TXNDC16: variants seen among roughly 807,000 people sequenced by gnomAD.
TXNDC16 encodes the protein thioredoxin domain containing 16.
TXNDC16 carries 74 observed loss-of-function variants against 85.6 expected under a neutral mutation model. The observed-to-expected ratio is 0.86, with a 90% confidence interval of 0.72 to 1.05. The LOEUF is 1.05. Ranked by LOEUF, TXNDC16 falls within the 50% of genes least tolerant of loss-of-function variation. TXNDC16 has a pLI of 0.00. For missense variants in TXNDC16, 959 were observed against 947.0 expected, an observed-to-expected ratio of 1.01 and a Z score of -0.17; for synonymous variants, 335 against 326.5, an observed-to-expected ratio of 1.03 and a Z score of -0.28.
At chr14:52,543,291 T>A in intron 3 of TXNDC16, 107 bp downstream of exon 3, 16 of 1,212,638 alleles carry the variant, frequency 1.3e-5, no homozygotes, top group Non-Finnish European at 1.8e-5. Context: ...TAGTAACAGC[T>A]ATATAGCACA....
intron 9 of TXNDC16, among the ~76,000 whole-genome samples, chr14:52,502,947 G>A (rs745426043): frequency 2.6e-5 from 4 of 152,168 alleles, no homozygotes; most frequent in Admixed American, 6.5e-5. Flanking sequence ...TGAGGGCTCC[G>A]AGGGTCCTAT....
At chr14:52,516,113 T>A (rs1048678216) in intron 7 of TXNDC16, among the ~76,000 whole-genome samples, 2 of 152,166 alleles carry the variant, frequency 1.3e-5, no homozygotes, top group African/African-American at 4.8e-5. Context: ...GCCTTCTGAT[T>A]TGCTCCAATA....
intron 9 of TXNDC16, among the ~76,000 whole-genome samples, chr14:52,505,173 G>A (rs568675646): frequency 6.6e-6 from 1 of 152,082 alleles, no homozygotes; most frequent in Admixed American, 6.6e-5. Context: ...AAGACAGAAA[G>A]TTAACAAGGA....
At chr14:52,445,872 T>A (rs1033427056) in intron 18 of TXNDC16, among the ~76,000 whole-genome samples, 1 of 152,222 alleles carries the variant, frequency 6.6e-6, no homozygotes. Context: ...ATGATAAAAC[T>A]GCCTATCGAT....
At chr14:52,515,097 C>T in intron 7 of TXNDC16, 127 bp from the exon 8 acceptor site, 1 of 559,154 alleles carries the variant, frequency 1.8e-6, no homozygotes, top group Non-Finnish European at 2.9e-6. Flanking sequence ...AAATCCTTCA[C>T]AGGGATACTA....
chr14:52,466,592 C>G (rs1413730034), intron 16 of TXNDC16, among the ~76,000 whole-genome samples: 1 of 151,874 alleles, frequency 6.6e-6, no homozygotes, highest in African/African-American at 2.4e-5. Flanking sequence ...AATGGCCAGG[C>G]GCGGTGGCTC....
chr14:52,462,097 A>C (rs1303833069), intron 16 of TXNDC16, among the ~76,000 whole-genome samples: 1 of 152,234 alleles, frequency 6.6e-6, no homozygotes, highest in Non-Finnish European at 1.5e-5. Flanking sequence ...CATACATAAC[A>C]CATATAGACA....
chr14:52,452,255 C>A (rs1474891876), intron 18 of TXNDC16, among the ~76,000 whole-genome samples: 1 of 151,948 alleles, frequency 6.6e-6, no homozygotes, highest in African/African-American at 2.4e-5. Flanking sequence ...TTCTTAATAC[C>A]CAAAATAACT....
rs181411932 is a variant in TXNDC16 at position 52,529,443 on chromosome 14, G to A, written c.392+7276C>T. Among the ~76,000 whole-genome samples, 164 of 148,724 alleles carry A rather than the reference G, an allele frequency of 1.1e-3. 3 individuals are homozygous for A. The highest frequency in any genetic ancestry group is 4.0e-3 in the African/African-American group (160 of 40,154). On this transcript the variant is annotated intron_variant, in intron 6 of 20. Coordinates refer to ENST00000281741, the MANE Select transcript of TXNDC16 (RefSeq NM_020784.3). Reference sequence around the variant, plus strand: ...CATATGTAACAAACCTGCACGTTGTGCACATGTACCCTAAAACTTTAACTA... The same window carrying A: ...CATATGTAACAAACCTGCACGTTGTACACATGTACCCTAAAACTTTAACTA...
intron 9 of TXNDC16, among the ~76,000 whole-genome samples, chr14:52,510,604 T>C (rs1309164661): frequency 2.0e-5 from 3 of 152,216 alleles, no homozygotes; most frequent in African/African-American, 2.4e-5. Flanking sequence ...TTTTCCTTCA[T>C]ACTTGGCTGC....
At chr14:52,515,014 T>G in intron 7 of TXNDC16, 44 bp from the exon 8 acceptor site, 1 of 1,427,318 alleles carries the variant, frequency 7.0e-7, no homozygotes, top group Non-Finnish European at 9.8e-7. Context: ...AAAAAATAGT[T>G]TGTGTGACTC....
chr14:52,440,721 C>T lies in TXNDC16; in HGVS notation c.1846G>A (p.Glu616Lys). 2 of 1,603,526 alleles carry T rather than the reference C, an allele frequency of 1.2e-6. No homozygotes were observed. Among genetic ancestry groups the T allele is most frequent in the African/African-American group, 1.3e-5 (1 of 74,314 alleles). Residue 616 changes from glutamate to lysine, a missense_variant, in exon 19 of 21, where the codon GAA becomes AAA. Physicochemically the swap from Glu to Lys is moderately conservative, Grantham distance 56. Transcript: ENST00000281741. The stretch of plus-strand genomic sequence containing the variant: ...CTGGGAAGATTTTCCACAGTGATTT[C>T]CGGCTGTCAAAGAAAAGGAATAACA... Reference protein sequence around the residue: ...ITDALLEMFPEITVENLPSYF... With the variant: ...ITDALLEMFPKITVENLPSYF...
At chr14:52,487,911 G>A (rs1278210138) in intron 12 of TXNDC16, among the ~76,000 whole-genome samples, 1 of 152,154 alleles carries the variant, frequency 6.6e-6, no homozygotes, top group Non-Finnish European at 1.5e-5. Flanking sequence ...CTGTTTAAAC[G>A]AAGTGTTAAA....
At chr14:52,479,198 G>A (rs1401875600) in intron 14 of TXNDC16, among the ~76,000 whole-genome samples, 7 of 152,216 alleles carry the variant, frequency 4.6e-5, no homozygotes, top group East Asian at 3.9e-4. Flanking sequence ...CAAACCCACA[G>A]CCAACATAAT....
chr14:52,496,227 T>C (rs1012558755), intron 9 of TXNDC16, among the ~76,000 whole-genome samples: 6 of 151,530 alleles, frequency 4.0e-5, no homozygotes, highest in Non-Finnish European at 5.9e-5. Context: ...GGGACAGGCA[T>C]AGTATAACCA....
intron 11 of TXNDC16, among the ~76,000 whole-genome samples, chr14:52,488,831 GAAAA>G (rs199871075): frequency 4.6e-4 from 41 of 90,004 alleles, no homozygotes; most frequent in East Asian, 2.1e-3. Context: ...GAGACTCTGG[GAAAA>G]AAAAAAAAAA....
intron 7 of TXNDC16, among the ~76,000 whole-genome samples, chr14:52,516,065 T>C (rs141049772): frequency 0.012 from 1,869 of 152,268 alleles, 20 homozygotes; most frequent in Non-Finnish European, 0.017. Context: ...ATATCAAGTA[T>C]ACTATCAAAT....
At chr14:52,520,176 T>A (rs2037176471) in intron 6 of TXNDC16, among the ~76,000 whole-genome samples, 1 of 152,212 alleles carries the variant, frequency 6.6e-6, no homozygotes, top group East Asian at 1.9e-4. Context: ...AACGCATTTA[T>A]TGAATCAAGA....
chr14:52,478,799 C>T (rs971711529), intron 14 of TXNDC16, among the ~76,000 whole-genome samples: 3 of 152,026 alleles, frequency 2.0e-5, no homozygotes, highest in African/African-American at 4.8e-5. Context: ...AGGGAACCCT[C>T]GCTAAATCAT....
Sources: allele counts gnomAD v4.1 joint callset (sites outside exome capture counted in the v4.1 genomes callset), GRCh38; gene constraint gnomAD v4.1.1; transcripts MANE v1.5; gene names NCBI Gene and HGNC (gene_info 2026-07-23, HGNC 2026-07-21).